Variants in RGL1 observed in about 807,000 individuals in gnomAD.
RGL1 encodes the protein ral guanine nucleotide dissociation stimulator like 1.
In RGL1, 24 loss-of-function variants were observed where a neutral mutation model predicts 95.2. That is an observed-to-expected ratio of 0.25 (90% CI 0.18 to 0.35). RGL1 has a LOEUF of 0.35. RGL1 is among the 10% of genes least tolerant of loss of function. The probability of loss-of-function intolerance (pLI) is 1.00; values close to 1 mark genes in which losing one functional copy is unlikely to be tolerated. For missense variants in RGL1, 715 were observed against 936.3 expected, an observed-to-expected ratio of 0.76 and a Z score of 3.08; for synonymous variants, 329 against 344.9, an observed-to-expected ratio of 0.95 and a Z score of 0.51.
chr1:183,701,453 A>G (rs1375523193), intron 1 of RGL1, among the ~76,000 whole-genome samples: 1 of 152,164 alleles, frequency 6.6e-6, no homozygotes, highest in East Asian at 1.9e-4. Flanking sequence ...GAGGTAGAGT[A>G]GGACAGAGGT....
rs568104359 is a variant in RGL1 at position 183,673,710 on chromosome 1, A to G, written c.-33+37209A>G. On this transcript the variant is annotated intron_variant, in intron 1 of 18. Transcript: ENST00000304685. ...CAGTTTTTCTGTGTACTTACATCAC[A>G]CTATTGCTAGAAATAGAAGTCTTGC... is the stretch of plus-strand genomic sequence containing the variant. 4.2e-4 allele frequency among the ~76,000 whole-genome samples: 64 copies of G among 152,344 alleles called. 1 individual carries two copies. The highest frequency in any genetic ancestry group is 1.5e-3 in the African/African-American group (64 of 41,586).
intron 2 of RGL1, among the ~76,000 whole-genome samples, chr1:183,790,395 C>A (rs1044894735): frequency 2.0e-5 from 3 of 152,190 alleles, no homozygotes; most frequent in Admixed American, 6.5e-5. Context: ...ATTTGAGGAC[C>A]TTCTGGACCA....
At chr1:183,893,932 A>G (rs189306046) in intron 9 of RGL1, among the ~76,000 whole-genome samples, 2 of 152,202 alleles carry the variant, frequency 1.3e-5, no homozygotes, top group East Asian at 3.8e-4. Context: ...TATCATTCAC[A>G]TGACTTTTTA....
At position 183,728,811 on chromosome 1, in the gene RGL1, G is replaced by A. The variant is rs937140307; in HGVS notation, c.-32-13315G>A. 5.3e-5 allele frequency among the ~76,000 whole-genome samples: 8 copies of A among 152,108 alleles called. 1 individual carries two copies. The stretch of plus-strand genomic sequence containing the variant: ...ACACATAGATCAATTAAACACAATC[G>A]AGAACCCAGAAATAGACGAGCATGT... On this transcript the variant is annotated intron_variant, in intron 1 of 18. Transcript: ENST00000304685.
chr1:183,793,391 C>T (rs993929108), intron 2 of RGL1, among the ~76,000 whole-genome samples: 2 of 152,110 alleles, frequency 1.3e-5, no homozygotes, highest in African/African-American at 4.8e-5. Flanking sequence ...ACTTCAAAAG[C>T]ACAGGCAACA....
chr1:183,786,945 C>T (rs1660208436), intron 2 of RGL1, among the ~76,000 whole-genome samples: 1 of 152,220 alleles, frequency 6.6e-6, no homozygotes, highest in South Asian at 2.1e-4. Context: ...TAGTTATTGC[C>T]AATACAAAAA....
chr1:183,653,570 G>T (rs909535892), intron 1 of RGL1, among the ~76,000 whole-genome samples: 1 of 152,178 alleles, frequency 6.6e-6, no homozygotes, highest in Admixed American at 6.5e-5. Context: ...TAGGTGCCAG[G>T]CCTGGCGGTT....
At chr1:183,656,779 A>G (rs1187537023) in intron 1 of RGL1, among the ~76,000 whole-genome samples, 1 of 152,252 alleles carries the variant, frequency 6.6e-6, no homozygotes, top group Non-Finnish European at 1.5e-5. Flanking sequence ...AATAAAAATG[A>G]TATTATACAA....
chr1:183,740,279 G>T (rs1657208131), intron 1 of RGL1, among the ~76,000 whole-genome samples: 1 of 152,110 alleles, frequency 6.6e-6, no homozygotes, highest in African/African-American at 2.4e-5. Flanking sequence ...AATTATGTAG[G>T]TTTTGTTTCC....
At chr1:183,783,642 T>C (rs1476599894) in intron 2 of RGL1, among the ~76,000 whole-genome samples, 1 of 152,196 alleles carries the variant, frequency 6.6e-6, no homozygotes, top group Non-Finnish European at 1.5e-5. Context: ...GCTACTTTGC[T>C]TTGCTAAGTA....
rs191045349 is a variant in RGL1, at chr1:183,792,528, G to T, written c.133-13847G>T. Among the ~76,000 whole-genome samples the T allele has an allele frequency of 3.9e-5, 6 of 152,194 alleles. No individual in the cohort carries two copies. In the East Asian group the frequency reaches 1.2e-3, roughly 29 times the overall value. ...AACCAAACTGGAAAAGAGGAAGTCA[G>T]ATTCTCCCTCTTTGCAGACAACATG... On this transcript the variant is annotated intron_variant, in intron 2 of 18. Coordinates refer to the RGL1 transcript ENST00000304685.
intron 4 of RGL1, 39 bp from the exon 5 acceptor site, chr1:183,880,577 G>A (rs1666766573): frequency 1.2e-6 from 2 of 1,602,266 alleles, no homozygotes; most frequent in African/African-American, 1.3e-5. Flanking sequence ...CCTCCCCACA[G>A]CCAGTTGGGT....
At chr1:183,799,301 T>G (rs1660865464) in intron 2 of RGL1, among the ~76,000 whole-genome samples, 1 of 152,226 alleles carries the variant, frequency 6.6e-6, no homozygotes, top group Non-Finnish European at 1.5e-5. Flanking sequence ...TTTGAGATAC[T>G]GATTTAAATT....
At chr1:183,660,536 A>G (rs1247089495) in intron 1 of RGL1, among the ~76,000 whole-genome samples, 2 of 151,560 alleles carry the variant, frequency 1.3e-5, no homozygotes, top group East Asian at 3.9e-4. Context: ...CACCCAATAC[A>G]GGACCACCCA....
chr1:183,728,433 A>G (rs1171721497), intron 1 of RGL1, among the ~76,000 whole-genome samples: 2 of 151,990 alleles, frequency 1.3e-5, no homozygotes, highest in East Asian at 1.9e-4. Context: ...AACCCTGACC[A>G]CTCCAAAGGG....
At chr1:183,784,999 C>A (rs904931262) in intron 2 of RGL1, among the ~76,000 whole-genome samples, 1 of 152,174 alleles carries the variant, frequency 6.6e-6, no homozygotes, top group Non-Finnish European at 1.5e-5. Context: ...TCTTTTCATT[C>A]TTTTCATGTG....
At chr1:183,891,733 G>GT (rs57974956) in intron 8 of RGL1, among the ~76,000 whole-genome samples, 8,215 of 123,298 alleles carry the variant, frequency 0.067, 852 homozygotes, top group Middle Eastern at 0.11. Context: ...GTGTGTAACA[G>GT]TTTTTTTTTT....
chr1:183,916,841 G>A (rs913763037), intron 16 of RGL1, 140 bp downstream of exon 16: 5 of 956,418 alleles, frequency 5.2e-6, no homozygotes, highest in Admixed American at 5.7e-5. Context: ...GAAGGGATGT[G>A]TGTCAGTTCC....
intron 7 of RGL1, among the ~76,000 whole-genome samples, chr1:183,887,715 C>T (rs1667199897): frequency 6.6e-6 from 1 of 152,220 alleles, no homozygotes; most frequent in South Asian, 2.1e-4. Context: ...GCTGATGCTA[C>T]AGGCTCCTTA....
Sources: allele counts gnomAD v4.1 joint callset (sites outside exome capture counted in the v4.1 genomes callset), GRCh38; gene constraint gnomAD v4.1.1; transcripts MANE v1.5; gene names NCBI Gene and HGNC (gene_info 2026-07-23, HGNC 2026-07-21).